The following FAM184B variants were observed in gnomAD, a reference collection of about 807,000 sequenced individuals.
FAM184B encodes the protein protein FAM184B.
Under a neutral mutation model 135.9 loss-of-function variants are expected in FAM184B, and 111 were observed. That is an observed-to-expected ratio of 0.82 (90% confidence interval 0.70 to 0.96). The LOEUF is 0.96. Among genes scored for constraint, FAM184B ranks in the 40% least tolerant of loss-of-function variants. FAM184B has a pLI of 0.00. For synonymous variants in FAM184B, 552 were observed against 524.8 expected (o/e 1.05, Z -0.71); for missense variants, 1,375 against 1,323.9 (o/e 1.04, Z -0.60).
Position 17,636,560 on chromosome 4 carries a change from TCAGGCGGGTCTG to T in FAM184B, c.2740_2751del (p.Gln914_Leu917del). 1 of 1,551,026 alleles carries T rather than the reference TCAGGCGGGTCTG, an allele frequency of 6.4e-7. No homozygotes were observed. Among genetic ancestry groups the T allele is most frequent in the Non-Finnish European group, 8.7e-7 (1 of 1,146,896 alleles). On this transcript the variant is annotated inframe_deletion, in exon 15 of 18. Coordinates refer to ENST00000265018, the MANE Select transcript of FAM184B (RefSeq NM_015688.2). ...TGCTTGATGATGTCCTCTCTCTCCTTCAGGCGGGTCTGCAGGCGGCCAATGAGCTGAAGGTCC... is the reference window on the plus strand; with the variant it reads ...TGCTTGATGATGTCCTCTCTCTCCTTCAGGCGGCCAATGAGCTGAAGGTCC...
At chr4:17,670,936 A>C (rs1420271392) in intron 7 of FAM184B, among the ~76,000 whole-genome samples, 1 of 152,236 alleles carries the variant, frequency 6.6e-6, no homozygotes, top group African/African-American at 2.4e-5. Context: ...CATGTTGTGC[A>C]AATACCAAGT....
chr4:17,778,024 T>C (rs1466863047), intron 1 of FAM184B, among the ~76,000 whole-genome samples: 1 of 150,858 alleles, frequency 6.6e-6, no homozygotes, highest in Non-Finnish European at 1.5e-5. Context: ...TGAGCTTTGA[T>C]CACACCACTG....
intron 1 of FAM184B, among the ~76,000 whole-genome samples, chr4:17,752,061 A>G (rs1718308714): frequency 6.6e-6 from 1 of 151,734 alleles, no homozygotes; most frequent in Non-Finnish European, 1.5e-5. Context: ...TTCCAAGCCC[A>G]CCATGGACAG....
At position 17,635,036 on chromosome 4, in the gene FAM184B, G is replaced by A. The variant is rs372762782; in HGVS notation, c.2862C>T (p.His954=). The part of the protein sequence containing the change: ...HRNRSFSFNP[H]PGYLTPSMKK... Reference sequence around the variant, plus strand: ...TCATGGAAGGGGTCAAATATCCCGGGTGAGGATTGAAAGAGAAAGACCGAT... The same window carrying A: ...TCATGGAAGGGGTCAAATATCCCGGATGAGGATTGAAAGAGAAAGACCGAT... The change falls in exon 16 of 18, where the codon CAC becomes CAT. Residue 954 remains histidine (H), a synonymous_variant. Transcript: ENST00000265018. 5 of 1,551,862 alleles carry A rather than the reference G, an allele frequency of 3.2e-6. No homozygotes were observed. The African/African-American group carries it at 4.1e-5, about 13-fold the overall frequency.
chr4:17,766,111 G>T (rs531239501), intron 1 of FAM184B, among the ~76,000 whole-genome samples: 26 of 152,302 alleles, frequency 1.7e-4, no homozygotes, highest in African/African-American at 6.3e-4. Flanking sequence ...GAGCAAGATT[G>T]GGAAGGTAAC....
At chr4:17,660,108 CA>C in intron 8 of FAM184B, 21 bp from the exon 9 acceptor site, 1 of 1,550,528 alleles carries the variant, frequency 6.4e-7, no homozygotes, top group Non-Finnish European at 8.7e-7. Flanking sequence ...AAGGATGCCA[CA>C]ATCACAAAAG....
At chr4:17,661,899 A>G (rs1156599564) in intron 8 of FAM184B, among the ~76,000 whole-genome samples, 1 of 152,248 alleles carries the variant, frequency 6.6e-6, no homozygotes, top group Non-Finnish European at 1.5e-5. Context: ...TAAAATTTAC[A>G]TGTAGTGAAG....
chr4:17,712,094 T>G (rs11735608), intron 1 of FAM184B, among the ~76,000 whole-genome samples: 108,267 of 152,136 alleles, frequency 0.71, 39,580 homozygotes, highest in Non-Finnish European at 0.8. Flanking sequence ...TCATCTGAAT[T>G]AGTTCAGAGA....
intron 5 of FAM184B, among the ~76,000 whole-genome samples, chr4:17,703,307 G>A (rs1717030840): frequency 6.6e-6 from 1 of 151,704 alleles, no homozygotes; most frequent in African/African-American, 2.4e-5. Context: ...GACCAGCTGG[G>A]CAACATGGTG....
At chr4:17,762,899 C>G (rs1043667650) in intron 1 of FAM184B, among the ~76,000 whole-genome samples, 5 of 152,164 alleles carry the variant, frequency 3.3e-5, no homozygotes, top group Non-Finnish European at 1.5e-5. Flanking sequence ...TTGGACAGAA[C>G]ACCTACTTCC....
chr4:17,766,316 C>T (rs369848308), intron 1 of FAM184B, among the ~76,000 whole-genome samples: 77 of 152,278 alleles, frequency 5.1e-4, no homozygotes, highest in African/African-American at 1.8e-3. Flanking sequence ...TGTTCAAGTC[C>T]TCACTGGATT....
intron 1 of FAM184B, among the ~76,000 whole-genome samples, chr4:17,714,519 C>A (rs1462521222): frequency 1.3e-5 from 2 of 152,116 alleles, no homozygotes; most frequent in African/African-American, 4.8e-5. Flanking sequence ...ATCTTTATGG[C>A]AATAACTACC....
chr4:17,728,923 C>A (rs1717704787), intron 1 of FAM184B, among the ~76,000 whole-genome samples: 1 of 152,140 alleles, frequency 6.6e-6, no homozygotes, highest in African/African-American at 2.4e-5. Flanking sequence ...TACAGTGCAC[C>A]ATGCGCGAGC....
intron 2 of FAM184B, 100 bp from the exon 3 acceptor site, chr4:17,707,884 C>T (rs1197628775): frequency 1.2e-5 from 17 of 1,360,694 alleles, no homozygotes; most frequent in Non-Finnish European, 1.7e-5. Flanking sequence ...CGGGTATATG[C>T]ACAGCAGAAG....
At chr4:17,756,320 G>C (rs938665072) in intron 1 of FAM184B, among the ~76,000 whole-genome samples, 1 of 151,916 alleles carries the variant, frequency 6.6e-6, no homozygotes, top group Non-Finnish European at 1.5e-5. Context: ...AACACTGAAG[G>C]GTTTCTCTAA....
intron 12 of FAM184B, among the ~76,000 whole-genome samples, chr4:17,644,214 A>G (rs1715402363): frequency 6.6e-6 from 1 of 152,226 alleles, no homozygotes; most frequent in Non-Finnish European, 1.5e-5. Context: ...TCCAATGGGA[A>G]CCACCAAAGG....
intron 4 of FAM184B, 55 bp downstream of exon 4, chr4:17,705,697 T>G: frequency 6.5e-7 from 1 of 1,543,014 alleles, no homozygotes; most frequent in South Asian, 1.2e-5. Context: ...ACGCTTATAA[T>G]AGATAGCAAA....
chr4:17,691,978 G>A (rs531739782), intron 6 of FAM184B, among the ~76,000 whole-genome samples: 26 of 151,014 alleles, frequency 1.7e-4, no homozygotes, highest in African/African-American at 6.1e-4. Context: ...GCTTGAACCC[G>A]GGAGGCGGAG....
chr4:17,714,874 GC>G (rs1258784264), intron 1 of FAM184B, among the ~76,000 whole-genome samples: 3 of 152,038 alleles, frequency 2.0e-5, no homozygotes, highest in Non-Finnish European at 2.9e-5. Flanking sequence ...ACAGTGTCTG[GC>G]AACCAAAGTC....
Sources: allele counts gnomAD v4.1 joint callset (sites outside exome capture counted in the v4.1 genomes callset), GRCh38; gene constraint gnomAD v4.1.1; transcripts MANE v1.5; gene names NCBI Gene and HGNC (gene_info 2026-07-23, HGNC 2026-07-21).